The following PPP1R13L variants were observed in gnomAD, a reference collection of about 807,000 sequenced individuals.
PPP1R13L encodes protein phosphatase 1 regulatory subunit 13 like.
PPP1R13L carries 50 observed loss-of-function variants against 80.9 expected under a neutral mutation model. The observed-to-expected ratio is 0.62, with a 90% CI of 0.49 to 0.78. PPP1R13L has a LOEUF of 0.78. PPP1R13L is among the 30% of genes least tolerant of loss of function. The probability of loss-of-function intolerance (pLI) is 0.00; values close to 1 mark genes in which losing one functional copy is unlikely to be tolerated. For synonymous variants in PPP1R13L, 602 were observed against 534.3 expected, an observed-to-expected ratio of 1.13 and a Z score of -1.75; for missense variants, 1,200 against 1,205.9, an observed-to-expected ratio of 1.00 and a Z score of 0.07.
At position 45,395,901 on chromosome 19, in the gene PPP1R13L, AGGGAGAAGGGGATC is replaced by A; in HGVS notation, c.904-29_904-16del. Reference sequence around the variant, plus strand: ...GTGAGGTTGTCCTGGGGAAGAGGGAAGGGAGAAGGGGATCGGGTGAGAGAGGGAAGGTGGAGGGG... The same window carrying A: ...GTGAGGTTGTCCTGGGGAAGAGGGAAGGGTGAGAGAGGGAAGGTGGAGGGG... On this transcript the variant is annotated splice_polypyrimidine_tract_variant and intron_variant, in intron 6 of 12. Coordinates refer to ENST00000360957, the MANE Select transcript of PPP1R13L (RefSeq NM_006663.4). 3 of 1,562,128 alleles carry A rather than the reference AGGGAGAAGGGGATC, an allele frequency of 1.9e-6. No individual in the cohort carries two copies. The highest frequency in any genetic ancestry group is 1.7e-6 in the Non-Finnish European group (2 of 1,150,016).
rs754948754 is a variant in PPP1R13L at position 45,396,695 on chromosome 19, G to T, written c.562C>A (p.Pro188Thr). 2.8e-6 allele frequency: 4 copies of T among 1,414,678 alleles called. No homozygotes were observed. The African/African-American group carries it at 6.0e-5, about 21-fold the overall frequency. The allele number at this position is 1,414,678 out of a possible 1,614,324, so 87.6% of individuals were successfully genotyped here. ...AAGGCCTGGGGCCCCTCCGCCAGGG[G>T]GCTGCCGCGGGGGGAGCCTGCGCGG... ...LGRAGSPRGS[P>T]LAEGPQAFFP... The change falls in exon 4 of 13, where the codon CCC becomes ACC. Residue 188 changes from proline to threonine, a missense_variant. Physicochemically the swap from Pro to Thr is conservative, Grantham distance 38. This residue lies in a region of PPP1R13L where 764 missense variants were observed against 714.5 expected (regional missense o/e 1.07). Coordinates refer to ENST00000360957, the MANE Select transcript of PPP1R13L (RefSeq NM_006663.4). The surrounding 1 kb of genome is among the most constrained non-coding windows in gnomAD (Gnocchi z 5.3).
At position 45,398,291 on chromosome 19, in the gene PPP1R13L, G is replaced by T. The variant is rs758386261; in HGVS notation, c.28C>A (p.Arg10=). The T allele has an allele frequency of 4.3e-6, 7 of 1,613,732 alleles. 1 individual carries two copies. The highest frequency in any genetic ancestry group is 3.3e-4 in the Middle Eastern group (2 of 6,080). ...TGGAAGTTCATGTCCAGAAAGTCCC[G>T]CGCGCTCTGGAATGCCTCGCTGTCC... MDSEAFQSA[R]DFLDMNFQSL... The change falls in exon 2 of 13, where the codon CGG becomes AGG. Residue 10 remains arginine (R), a synonymous_variant. Coordinates refer to ENST00000360957, the MANE Select transcript of PPP1R13L (RefSeq NM_006663.4).
At position 45,390,019 on chromosome 19, in the gene PPP1R13L, C is replaced by T. The variant is rs181610334; in HGVS notation, c.1815+1861G>A. ...GTGTTAGCCAGGATGGTCTTATCTC[C>T]TGACTTCGTGATCCGCCCGCCTCGG... On this transcript the variant is annotated intron_variant, in intron 8 of 12. Transcript: ENST00000360957. 2.5e-3 allele frequency among the ~76,000 whole-genome samples: 379 copies of T among 152,116 alleles called. 1 individual carries two copies. The highest frequency in any genetic ancestry group is 6.8e-3 in the Middle Eastern group (2 of 292).
chr19:45,380,913 T>C (rs1200298057), intron 12 of PPP1R13L, among the ~76,000 whole-genome samples: 3 of 151,042 alleles, frequency 2.0e-5, no homozygotes, highest in African/African-American at 7.3e-5. Context: ...CTTCCTTGCC[T>C]TCTCCCCTAA....
At chr19:45,402,967 A>C (rs910989441) in intron 1 of PPP1R13L, among the ~76,000 whole-genome samples, 3 of 152,088 alleles carry the variant, frequency 2.0e-5, no homozygotes, top group Non-Finnish European at 4.4e-5. Context: ...GGTCACACTG[A>C]ATCTGGAGAG....
chr19:45,383,738 C>G (rs1008385236), intron 11 of PPP1R13L, among the ~76,000 whole-genome samples: 2 of 152,086 alleles, frequency 1.3e-5, no homozygotes, highest in Non-Finnish European at 2.9e-5. Flanking sequence ...TTTAAGTTGG[C>G]TCATCTGCCT....
chr19:45,390,970 G>T (rs1190296064), intron 8 of PPP1R13L, among the ~76,000 whole-genome samples: 2 of 152,122 alleles, frequency 1.3e-5, no homozygotes, highest in African/African-American at 4.8e-5. Flanking sequence ...GGCTGAGGCA[G>T]GTGGATCATT....
At chr19:45,395,923 A>G in intron 6 of PPP1R13L, 37 bp from the exon 7 acceptor site, 1 of 1,516,996 alleles carries the variant, frequency 6.6e-7, no homozygotes, top group Non-Finnish European at 9.0e-7. Flanking sequence ...ATCGGGTGAG[A>G]GAGGGAAGGT....
chr19:45,395,247 A>G (rs563166687), intron 7 of PPP1R13L, 189 bp downstream of exon 7: 88 of 743,152 alleles, frequency 1.2e-4, no homozygotes, highest in Non-Finnish European at 1.1e-4. Context: ...TTCAGGGTCC[A>G]CACTTAACCT....
Position 45,396,790 on chromosome 19 carries a change from G to T in PPP1R13L, c.467C>A (p.Ala156Glu), listed in dbSNP as rs184089050. 380 of 1,374,926 alleles carry T rather than the reference G, an allele frequency of 2.8e-4. No individual in the cohort carries two copies. Among genetic ancestry groups the T allele is most frequent in the Middle Eastern group, 4.6e-4 (2 of 4,380 alleles). The allele number at this position is 1,374,926 out of a possible 1,614,324, so 85.2% of individuals were successfully genotyped here. A position where few individuals can be genotyped will look rare whatever the true frequency, so the allele number is the denominator to read the frequency against. ...GCCTGGCCCGGGCCGCGGGGAGGGC[G>T]CACGGCCGAGGGAGCTGCCTGCGCC... ...FDGAGSSLGR[A>E]PSPRPGPGPL... is the part of the protein sequence containing the mutation. The change falls in exon 4 of 13, where the codon GCG (alanine) becomes GAG (glutamate). Residue 156 changes from alanine (A) to glutamate (E), a missense_variant. Around this residue, in one of 5 missense-constraint regions of PPP1R13L, gnomAD observed 764 missense variants for 714.5 expected, o/e 1.07. Coordinates refer to ENST00000360957, the MANE Select transcript of PPP1R13L (RefSeq NM_006663.4). This position sits in a 1 kb window ranked among gnomAD's most constrained non-coding sequence, Gnocchi z 5.3.
At chr19:45,384,705 T>C (rs1210354609) in intron 11 of PPP1R13L, among the ~76,000 whole-genome samples, 1 of 151,610 alleles carries the variant, frequency 6.6e-6, no homozygotes, top group South Asian at 2.1e-4. Flanking sequence ...TACAAAAAAA[T>C]GAGTCGGGCA....
At position 45,382,742 on chromosome 19, in the gene PPP1R13L, G is replaced by T. The variant is rs1555780532; in HGVS notation, c.2249-16C>A. 1.2e-6 allele frequency: 2 copies of T among 1,613,420 alleles called. No individual in the cohort carries two copies. Among genetic ancestry groups the T allele is most frequent in the South Asian group, 1.1e-5 (1 of 91,062 alleles). On this transcript the variant is annotated splice_polypyrimidine_tract_variant and intron_variant, in intron 11 of 12. Coordinates refer to ENST00000360957, the MANE Select transcript of PPP1R13L (RefSeq NM_006663.4). ...TGCTCGACGTCTGAAACATGCCACG[G>T]AGGGGAAGGTGAGAGCCTGGCCCAG...
At chr19:45,402,007 C>G (rs985605051) in intron 1 of PPP1R13L, 1 of 152,104 alleles carries the variant, frequency 6.6e-6, no homozygotes, top group Non-Finnish European at 1.5e-5. Context: ...ACCTCAGTCT[C>G]GTAATCCGTA....
At chr19:45,395,356 C>G (rs1973059792) in intron 7 of PPP1R13L, 80 bp downstream of exon 7, 3 of 1,541,982 alleles carry the variant, frequency 1.9e-6, no homozygotes, top group Non-Finnish European at 2.6e-6. Context: ...GTGATCTCCC[C>G]ACCTCCCAGG....
chr19:45,397,474 CTT>C (rs1973133136), intron 3 of PPP1R13L, among the ~76,000 whole-genome samples: 2 of 91,726 alleles, frequency 2.2e-5, no homozygotes, highest in African/African-American at 1.5e-4. Context: ...CTCTCTCTCT[CTT>C]TCTTTCTTTC....
chr19:45,390,420 T>C (rs8110822), intron 8 of PPP1R13L, among the ~76,000 whole-genome samples: 96,889 of 152,016 alleles, frequency 0.64, 32,129 homozygotes, highest in African/African-American at 0.84. Flanking sequence ...ATAATATTAA[T>C]CCCTGACCAA....
chr19:45,380,829 A>AAC (rs112933504), intron 12 of PPP1R13L, among the ~76,000 whole-genome samples: 4,040 of 145,368 alleles, frequency 0.028, 225 homozygotes, highest in East Asian at 0.24. Flanking sequence ...CCAAAAACAA[A>AAC]ACACACACAC....
At chr19:45,406,219 C>T (rs1973357898), upstream of PPP1R13L, 1 of 868,044 alleles carries the variant, frequency 1.2e-6, no homozygotes. The surrounding 1 kb of genome is among the most constrained non-coding windows in gnomAD (Gnocchi z 4.2). Flanking sequence ...AAGTTCTGAA[C>T]TTGTGAGGCA....
At chr19:45,387,691 A>T (rs1599765662) in intron 8 of PPP1R13L, among the ~76,000 whole-genome samples, 1 of 152,120 alleles carries the variant, frequency 6.6e-6, no homozygotes, top group South Asian at 2.1e-4. Flanking sequence ...AGTAGCTGGG[A>T]CTACGGGCGC....
Sources: gnomAD v4.1 joint callset for allele counts (sites outside exome capture counted in the v4.1 genomes callset) on GRCh38, gnomAD v4.1.1 for gene constraint, gnomAD v4.1.1 regional missense constraint, Gnocchi (gnomAD v3.1) non-coding constraint, MANE v1.5 for transcripts, NCBI Gene and HGNC (gene_info 2026-07-23, HGNC 2026-07-21) for gene names.